Variants in XPO4 observed in about 807,000 individuals in gnomAD.
XPO4 encodes exportin 4, also known as exportin-4.
Under a neutral mutation model 143.0 loss-of-function variants are expected in XPO4, and 39 were observed. The ratio of observed to expected loss-of-function variants is 0.27; its 90% CI spans 0.21 to 0.36. XPO4 has a LOEUF of 0.36. Among genes scored for constraint, XPO4 ranks in the 10% least tolerant of loss-of-function variants. The pLI, the probability that XPO4 is intolerant of heterozygous loss-of-function variation, is 1.00. For synonymous variants in XPO4, 439 were observed against 474.0 expected (o/e 0.93, Z 0.96); for missense variants, 907 against 1,348.0 (o/e 0.67, Z 5.12).
intron 1 of XPO4, among the ~76,000 whole-genome samples, chr13:20,880,597 A>T (rs1429160711): frequency 6.6e-6 from 1 of 152,244 alleles, no homozygotes; most frequent in Non-Finnish European, 1.5e-5. Flanking sequence ...ACCAATGTTC[A>T]CTAAAGAATG....
At position 20,901,704 on chromosome 13, in the gene XPO4, C is replaced by G. The variant is rs138940882; in HGVS notation, c.69+966G>C. On this transcript the variant is annotated intron_variant, in intron 1 of 22. Coordinates refer to ENST00000255305, the MANE Select transcript of XPO4 (RefSeq NM_022459.5). ...TTCGAATATTCTCAAATGTGATGCT[C>G]AAACACCCTAACACCAAACCAAAAG... 3.2e-4 allele frequency among the ~76,000 whole-genome samples: 48 copies of G among 152,264 alleles called. 1 individual carries two copies. The South Asian group carries it at 4.6e-3, about 14-fold the overall frequency.
intron 3 of XPO4, chr13:20,857,723 T>C (rs1728422744): frequency 2.0e-5 from 12 of 592,332 alleles, no homozygotes; most frequent in Non-Finnish European, 2.5e-5. Flanking sequence ...CGAGACTCCA[T>C]CTCAAAAACA....
intron 1 of XPO4, among the ~76,000 whole-genome samples, chr13:20,886,026 A>AT (rs2060458995): frequency 6.6e-6 from 1 of 152,216 alleles, no homozygotes; most frequent in Non-Finnish European, 1.5e-5. Context: ...GAAGATTAAC[A>AT]TGTAACTCTC....
chr13:20,808,988 G>T, intron 11 of XPO4, 95 bp downstream of exon 11: 1 of 1,343,684 alleles, frequency 7.4e-7, no homozygotes. Context: ...GACACGGGGT[G>T]GGGGTGTTTA....
At chr13:20,898,228 T>G (rs575035045) in intron 1 of XPO4, among the ~76,000 whole-genome samples, 1 of 152,350 alleles carries the variant, frequency 6.6e-6, no homozygotes, top group South Asian at 2.1e-4. Context: ...ATCTCGTTTA[T>G]TAAAGTTGGA....
At chr13:20,886,547 G>A (rs976660275) in intron 1 of XPO4, among the ~76,000 whole-genome samples, 1 of 151,950 alleles carries the variant, frequency 6.6e-6, no homozygotes, top group African/African-American at 2.4e-5. Flanking sequence ...AAGATGCGGT[G>A]GGTTCAAGAC....
In XPO4 at chr13:20,779,520, G is replaced by A. The variant is rs1417323621; in HGVS notation, c.*4202C>T. The A allele has an allele frequency of 6.6e-6, 1 of 152,496 alleles. No individual in the cohort carries two copies. The highest frequency in any genetic ancestry group is 2.4e-5 in the African/African-American group (1 of 41,420). 9.4% of individuals were successfully genotyped at this position (152,496 alleles called of 1,614,324 possible). ...AAGACACCTCTCCAATTGCTGGGAG[G>A]GCCTGGGAATAGGTGAAGATCAAAC... On this transcript the variant is annotated 3_prime_UTR_variant, in exon 23 of 23. Coordinates refer to ENST00000255305, the MANE Select transcript of XPO4 (RefSeq NM_022459.5).
chr13:20,823,197 A>G (rs978725359), intron 7 of XPO4, among the ~76,000 whole-genome samples: 4 of 152,188 alleles, frequency 2.6e-5, no homozygotes, highest in African/African-American at 7.2e-5. Flanking sequence ...TTTCCCACAC[A>G]AAGTTCTCTC....
intron 1 of XPO4, among the ~76,000 whole-genome samples, chr13:20,874,797 A>G (rs1160832875): frequency 6.6e-6 from 1 of 152,204 alleles, no homozygotes; most frequent in Middle Eastern, 3.2e-3. Context: ...GTTCGAGACC[A>G]GCCTGACCAA....
chr13:20,875,243 T>C (rs914215910), intron 1 of XPO4, among the ~76,000 whole-genome samples: 2 of 152,214 alleles, frequency 1.3e-5, no homozygotes, highest in Non-Finnish European at 2.9e-5. Flanking sequence ...TGATCCTATC[T>C]AAATTTAAAT....
intron 6 of XPO4, among the ~76,000 whole-genome samples, chr13:20,837,007 T>G (rs1337460669): frequency 1.3e-5 from 2 of 152,268 alleles, no homozygotes; most frequent in East Asian, 3.8e-4. Flanking sequence ...AATTCATGTC[T>G]TTTTATGACA....
At chr13:20,796,355 G>A (rs1349016702) in intron 17 of XPO4, 99 bp from the exon 18 acceptor site, 5 of 831,460 alleles carry the variant, frequency 6.0e-6, no homozygotes, top group Non-Finnish European at 6.6e-6. Context: ...AATTCCAACA[G>A]TAGCAATAAT....
At chr13:20,875,988 G>A (rs12869959) in intron 1 of XPO4, among the ~76,000 whole-genome samples, 54,965 of 151,250 alleles carry the variant, frequency 0.36, 11,402 homozygotes, top group Non-Finnish European at 0.48. Context: ...GGTGGCTCAC[G>A]CCTGTAATCC....
rs561700975 is a variant in XPO4 at position 20,900,511 on chromosome 13, A to G, written c.69+2159T>C. ...TACTCAATAAATGGTAGCTATTAATAATTTGGAATATAGCTTTCATATTAA... is the reference window on the plus strand; with the variant it reads ...TACTCAATAAATGGTAGCTATTAATGATTTGGAATATAGCTTTCATATTAA... On this transcript the variant is annotated intron_variant, in intron 1 of 22. Coordinates refer to ENST00000255305, the MANE Select transcript of XPO4 (RefSeq NM_022459.5). 1.5e-3 allele frequency among the ~76,000 whole-genome samples: 223 copies of G among 152,372 alleles called. 1 individual carries two copies. Among genetic ancestry groups the G allele is most frequent in the African/African-American group, 4.9e-3 (205 of 41,594 alleles).
At chr13:20,788,245 C>T (rs954363123) in intron 20 of XPO4, among the ~76,000 whole-genome samples, 4 of 151,974 alleles carry the variant, frequency 2.6e-5, no homozygotes, top group Non-Finnish European at 5.9e-5. Context: ...TTATTAGAGA[C>T]AGGGTTTCAC....
At chr13:20,887,069 T>C (rs568902437) in intron 1 of XPO4, among the ~76,000 whole-genome samples, 1 of 150,988 alleles carries the variant, frequency 6.6e-6, no homozygotes, top group South Asian at 2.1e-4. Flanking sequence ...AAACTCCGTC[T>C]CAAAAAAAAA....
intron 12 of XPO4, 45 bp downstream of exon 12, chr13:20,808,391 T>G (rs551067642): frequency 6.8e-7 from 1 of 1,480,212 alleles, no homozygotes; most frequent in East Asian, 2.3e-5. Flanking sequence ...AAGGCTTAAA[T>G]TGCTCAGTTG....
At chr13:20,784,570 T>G (rs2059177385) in intron 22 of XPO4, among the ~76,000 whole-genome samples, 2 of 152,166 alleles carry the variant, frequency 1.3e-5, no homozygotes, top group South Asian at 4.1e-4. Flanking sequence ...TAATACTCTA[T>G]TATAAAGCCT....
chr13:20,859,946 G>A, intron 3 of XPO4: 19 of 645,422 alleles, frequency 2.9e-5, no homozygotes, highest in Non-Finnish European at 3.5e-5. Context: ...TGGCGACAAG[G>A]GGGAGAAAAG....
Sources: gnomAD v4.1 joint callset for allele counts (sites outside exome capture counted in the v4.1 genomes callset) on GRCh38, gnomAD v4.1.1 for gene constraint, MANE v1.5 for transcripts, NCBI Gene and HGNC (gene_info 2026-07-23, HGNC 2026-07-21) for gene names.